ITGB8: variants seen among roughly 807,000 people sequenced by gnomAD.
ITGB8 encodes integrin beta-8.
In ITGB8, 30 loss-of-function variants were observed where a neutral mutation model predicts 89.5. The observed-to-expected ratio is 0.34, with a 90% CI of 0.25 to 0.45. ITGB8 has a LOEUF of 0.45. Ranked by LOEUF, ITGB8 falls within the 20% of genes least tolerant of loss-of-function variation. The pLI, the probability that ITGB8 is intolerant of heterozygous loss-of-function variation, is 1.00. For missense variants in ITGB8, 836 were observed against 933.3 expected (o/e 0.90, Z 1.36); for synonymous variants, 335 against 320.4 (o/e 1.05, Z -0.49).
intron 1 of ITGB8, among the ~76,000 whole-genome samples, chr7:20,333,520 C>T (rs143290654): frequency 5.9e-5 from 9 of 152,268 alleles, no homozygotes; most frequent in African/African-American, 1.4e-4. Flanking sequence ...TTGTTCCCAA[C>T]GTACAGGCAA....
At chr7:20,363,757 G>C (rs1020153614) in intron 2 of ITGB8, 35 bp downstream of exon 2, 1 of 1,316,164 alleles carries the variant, frequency 7.6e-7, no homozygotes, top group African/African-American at 1.5e-5. Context: ...TCTCATGGTT[G>C]ACTTGAGCTA....
chr7:20,357,148 A>G (rs1464131996), intron 1 of ITGB8, among the ~76,000 whole-genome samples: 3 of 152,180 alleles, frequency 2.0e-5, no homozygotes, highest in East Asian at 3.9e-4. Context: ...GCTTAAATCA[A>G]TGTTCATGTT....
chr7:20,404,393 G>A (rs768043028), intron 10 of ITGB8, among the ~76,000 whole-genome samples: 15 of 152,182 alleles, frequency 9.9e-5, no homozygotes, highest in African/African-American at 3.1e-4. Flanking sequence ...GGTGCCCTTC[G>A]TGCTTGTTAG....
intron 1 of ITGB8, among the ~76,000 whole-genome samples, chr7:20,362,989 C>T (rs1047567522): frequency 2.6e-4 from 39 of 152,120 alleles, no homozygotes; most frequent in African/African-American, 9.2e-4. Context: ...TTAAGTCCTC[C>T]AATCTAAGAA....
At chr7:20,356,067 C>G (rs914808149) in intron 1 of ITGB8, among the ~76,000 whole-genome samples, 5 of 152,268 alleles carry the variant, frequency 3.3e-5, no homozygotes, top group South Asian at 4.1e-4. Context: ...TACTCAGATC[C>G]ACCTTTTTCA....
Position 20,410,219 on chromosome 7 carries a change from G to A in ITGB8, c.*222G>A. On this transcript the variant is annotated 3_prime_UTR_variant, in exon 14 of 14. Transcript: ENST00000222573. ...TGTCTTACTACTGTTTGAGACTAGT[G>A]TCGTTGTAGCACTTTACTGTAATAT... The A allele has an allele frequency of 1.9e-6, 1 of 515,442 alleles. No individual in the cohort carries two copies. Among genetic ancestry groups the A allele is most frequent in the Admixed American group, 3.5e-5 (1 of 28,622 alleles). The allele number at this position is 515,442 out of a possible 1,614,324, so 31.9% of individuals were successfully genotyped here. A position where few individuals can be genotyped will look rare whatever the true frequency, so the allele number is the denominator to read the frequency against.
Position 20,391,430 on chromosome 7 carries a change from G to C in ITGB8, c.988G>C (p.Glu330Gln). 1.9e-6 allele frequency: 3 copies of C among 1,601,502 alleles called. No individual in the cohort carries two copies. Among genetic ancestry groups the C allele is most frequent in the Non-Finnish European group, 2.6e-6 (3 of 1,172,752 alleles). Reference protein sequence around the residue: ...MEHPSLGQLSEKLIDNNINVI... With the variant: ...MEHPSLGQLSQKLIDNNINVI... ...ACACCCCTCACTAGGCCAACTTTCA[G>C]AGAAATTAATAGACAACAACATTAA... The change falls in exon 7 of 14, where the codon GAG becomes CAG. Residue 330 changes from glutamate to glutamine, a missense_variant. Coordinates refer to ENST00000222573, the MANE Select transcript of ITGB8 (RefSeq NM_002214.3).
chr7:20,390,607 T>C (rs984732366), intron 6 of ITGB8, among the ~76,000 whole-genome samples: 3 of 152,108 alleles, frequency 2.0e-5, no homozygotes, highest in Non-Finnish European at 2.9e-5. Flanking sequence ...AACAAAAATA[T>C]TGAGCATAAT....
intron 11 of ITGB8, among the ~76,000 whole-genome samples, chr7:20,405,327 A>ATATATAT (rs143005781): frequency 7.2e-6 from 1 of 139,228 alleles, no homozygotes; most frequent in African/African-American, 2.8e-5. Flanking sequence ...ATATATATAT[A>ATATATAT]TTTTTTTTTT....
chr7:20,340,366 G>A (rs565588925), intron 1 of ITGB8, among the ~76,000 whole-genome samples: 9 of 152,324 alleles, frequency 5.9e-5, no homozygotes, highest in Admixed American at 5.2e-4. Context: ...CTATGGAAGA[G>A]ACCGAGTTTG....
Position 20,363,730 on chromosome 7 carries a change from A to ATTTTTT in ITGB8, c.213+14_213+19dup. On this transcript the variant is annotated intron_variant, in intron 2 of 13. Transcript: ENST00000222573. Reference sequence around the variant, plus strand: ...GGATGGTGTGTTCAAGAGGTGTGCCATTTTTTTTTTTCTTTTTCTCATGGT... The same window carrying ATTTTTT: ...GGATGGTGTGTTCAAGAGGTGTGCCATTTTTTTTTTTTTTTTTCTTTTTCTCATGGT... 7.7e-7 allele frequency: 1 copy of ATTTTTT among 1,294,340 alleles called. No individual in the cohort carries two copies. 80.2% of individuals were successfully genotyped at this position (1,294,340 alleles called of 1,614,324 possible).
chr7:20,348,570 G>T (rs1785004928), intron 1 of ITGB8, among the ~76,000 whole-genome samples: 1 of 152,198 alleles, frequency 6.6e-6, no homozygotes. Flanking sequence ...ATTTCCTGCT[G>T]CAGCTCCTGG....
Position 20,331,539 on chromosome 7 carries a change from G to A in ITGB8, c.-268G>A, listed in dbSNP as rs1208385079. 4.5e-6 allele frequency: 2 copies of A among 445,618 alleles called. No homozygotes were observed. The highest frequency in any genetic ancestry group is 7.8e-6 in the Non-Finnish European group (2 of 257,450). 27.6% of individuals were successfully genotyped at this position (445,618 alleles called of 1,614,324 possible). On this transcript the variant is annotated 5_prime_UTR_variant, in exon 1 of 14. Transcript: ENST00000222573. ...AGCCCTCTCTCCAGTCGCCGCCGGG[G>A]CCCTTGGCCGTCGAAGGAGGTGCTT...
chr7:20,372,242 G>A (rs1239095976), intron 3 of ITGB8, among the ~76,000 whole-genome samples: 1 of 152,126 alleles, frequency 6.6e-6, no homozygotes, highest in African/African-American at 2.4e-5. Context: ...ACTTCAATGA[G>A]TTTAGCTTGT....
At chr7:20,371,276 AT>A (rs1785924594) in intron 3 of ITGB8, among the ~76,000 whole-genome samples, 1 of 152,220 alleles carries the variant, frequency 6.6e-6, no homozygotes, top group African/African-American at 2.4e-5. Context: ...ATATGATTAC[AT>A]TTTTAAAAAT....
Position 20,379,184 on chromosome 7 carries a change from T to C in ITGB8, c.522T>C (p.Ser174=). 6.2e-7 allele frequency: 1 copy of C among 1,612,678 alleles called. No individual in the cohort carries two copies. The highest frequency in any genetic ancestry group is 2.2e-5 in the East Asian group (1 of 44,764). The change falls in exon 4 of 14, where the codon TCT becomes TCC. Residue 174 remains serine (S), a synonymous_variant. Transcript: ENST00000222573. ...TAAATTCCGTTGGAAACGATTTATCTAGAAAAATGGCATTTTTCTCCCGTG... is the reference window on the plus strand; with the variant it reads ...TAAATTCCGTTGGAAACGATTTATCCAGAAAAATGGCATTTTTCTCCCGTG... ...EKLNSVGNDL[S]RKMAFFSRDF... is the part of the protein sequence containing the mutation.
chr7:20,375,313 A>G (rs942189318), intron 3 of ITGB8, among the ~76,000 whole-genome samples: 4 of 152,192 alleles, frequency 2.6e-5, no homozygotes, highest in African/African-American at 9.7e-5. Context: ...ATTGTTTAAT[A>G]TAGGAAAAAA....
At chr7:20,368,180 C>T (rs1177841225) in intron 3 of ITGB8, among the ~76,000 whole-genome samples, 1 of 152,116 alleles carries the variant, frequency 6.6e-6, no homozygotes. Flanking sequence ...TGCTCTTTCC[C>T]ATATTAAATA....
chr7:20,346,169 C>T (rs184432379), intron 1 of ITGB8, among the ~76,000 whole-genome samples: 2 of 152,228 alleles, frequency 1.3e-5, no homozygotes, highest in East Asian at 3.9e-4. Flanking sequence ...CATCTCCAAG[C>T]TCAAGGCTGT....
Sources: allele counts gnomAD v4.1 joint callset (sites outside exome capture counted in the v4.1 genomes callset), GRCh38; gene constraint gnomAD v4.1.1; transcripts MANE v1.5; gene names NCBI Gene and HGNC (gene_info 2026-07-23, HGNC 2026-07-21).